TAF4: variants seen among roughly 807,000 people sequenced by gnomAD.
The protein encoded by TAF4 is transcription initiation factor TFIID subunit 4.
Under a neutral mutation model 90.3 loss-of-function variants are expected in TAF4, and 9 were observed. The ratio of observed to expected loss-of-function variants is 0.10; its 90% confidence interval spans 0.06 to 0.17. The LOEUF (loss-of-function observed/expected upper bound fraction) is 0.17, where lower values mean the gene tolerates loss of function less well. Among genes scored for constraint, TAF4 ranks in the 10% least tolerant of loss-of-function variants. The probability of loss-of-function intolerance (pLI) is 1.00; values close to 1 mark genes in which losing one functional copy is unlikely to be tolerated. For missense variants in TAF4, 1,351 were observed against 1,370.7 expected (o/e 0.99, Z 0.23); for synonymous variants, 818 against 638.9 (o/e 1.28, Z -4.23).
chr20:62,017,733 A>T, intron 1 of TAF4, among the ~76,000 whole-genome samples: 1 of 152,126 alleles, frequency 6.6e-6, no homozygotes, highest in East Asian at 1.9e-4. Flanking sequence ...GCTACTTCAG[A>T]AGCTGAAGCA....
chr20:62,057,410 T>C (rs1023629993), intron 1 of TAF4, among the ~76,000 whole-genome samples: 3 of 152,216 alleles, frequency 2.0e-5, no homozygotes, highest in Non-Finnish European at 2.9e-5. Context: ...TAAAACCTAA[T>C]GTCAAATTTG....
chr20:62,064,263 C>T (rs1041587785), intron 1 of TAF4, 188 bp downstream of exon 1: 4 of 560,032 alleles, frequency 7.1e-6, no homozygotes, highest in Non-Finnish European at 1.1e-5. Flanking sequence ...TGCCGACTCC[C>T]TCTGGCTCAC....
intron 1 of TAF4, among the ~76,000 whole-genome samples, chr20:62,062,349 T>C (rs1412539539): frequency 6.6e-6 from 1 of 152,226 alleles, no homozygotes; most frequent in African/African-American, 2.4e-5. Context: ...AATTAAGTTG[T>C]ACTGTTCAAA....
intron 1 of TAF4, among the ~76,000 whole-genome samples, chr20:62,054,742 G>A (rs149791019): frequency 0.017 from 2,622 of 152,128 alleles, 28 homozygotes; most frequent in Non-Finnish European, 0.025. Flanking sequence ...TGGAGGTGCC[G>A]GCACCTGCAG....
intron 5 of TAF4, among the ~76,000 whole-genome samples, chr20:62,008,625 T>C (rs7508965): frequency 6.6e-6 from 1 of 152,100 alleles, no homozygotes; most frequent in African/African-American, 2.4e-5. Flanking sequence ...AGGGGGCTTC[T>C]GGTGGCTCAG....
intron 14 of TAF4, chr20:61,979,348 T>A (rs1456759741): frequency 6.5e-6 from 1 of 152,706 alleles, no homozygotes; most frequent in African/African-American, 2.4e-5. Flanking sequence ...TCCATGGGAC[T>A]CCTGAGAAAG....
rs527997371 is a variant in TAF4, at chr20:62,018,549, G to A, written c.1361-3842C>T. Among the ~76,000 whole-genome samples, 12 of 151,950 alleles carry A rather than the reference G, an allele frequency of 7.9e-5. 1 individual carries two copies. In the South Asian group the frequency reaches 1.9e-3, roughly 24 times the overall value. On this transcript the variant is annotated intron_variant, in intron 1 of 14. Coordinates refer to ENST00000252996, the MANE Select transcript of TAF4 (RefSeq NM_003185.4). The stretch of plus-strand genomic sequence containing the variant: ...TCTCTGCACTTGCAGCAGGGTACAC[G>A]TGGCAGGTGTGGCCCCCACCCCGCC...
At chr20:62,042,316 G>A (rs758221340) in intron 1 of TAF4, among the ~76,000 whole-genome samples, 75 of 152,152 alleles carry the variant, frequency 4.9e-4, no homozygotes, top group Non-Finnish European at 6.5e-4. Flanking sequence ...CCATCCCCTT[G>A]CCAGCTCATC....
chr20:62,004,142 G>T (rs1307332974), intron 7 of TAF4, among the ~76,000 whole-genome samples: 1 of 152,146 alleles, frequency 6.6e-6, no homozygotes, highest in East Asian at 1.9e-4. Context: ...CTGCTGCCTA[G>T]AAGCTGCCCC....
At chr20:61,977,510 C>A (rs115485772) in intron 14 of TAF4, among the ~76,000 whole-genome samples, 1 of 152,118 alleles carries the variant, frequency 6.6e-6, no homozygotes, top group Non-Finnish European at 1.5e-5. Flanking sequence ...CGTCCTTCCT[C>A]CCCCCTTCCC....
intron 14 of TAF4, among the ~76,000 whole-genome samples, chr20:61,995,062 A>G (rs1200242785): frequency 6.6e-6 from 1 of 152,194 alleles, no homozygotes; most frequent in Non-Finnish European, 1.5e-5. Flanking sequence ...CAAAATGAAA[A>G]ACAAAACCAC....
chr20:62,063,558 G>C (rs1450936386), intron 1 of TAF4, among the ~76,000 whole-genome samples: 1 of 152,150 alleles, frequency 6.6e-6, no homozygotes, highest in Non-Finnish European at 1.5e-5. Context: ...AGACAGGAGC[G>C]TGAGAACTGC....
chr20:62,047,214 C>T (rs2055998470), intron 1 of TAF4, among the ~76,000 whole-genome samples: 1 of 152,180 alleles, frequency 6.6e-6, no homozygotes, highest in Non-Finnish European at 1.5e-5. Context: ...TTCAGTGTCA[C>T]TATGAGCGGG....
intron 1 of TAF4, among the ~76,000 whole-genome samples, chr20:62,024,055 G>A (rs767554557): frequency 1.3e-5 from 2 of 152,154 alleles, no homozygotes; most frequent in Non-Finnish European, 2.9e-5. Flanking sequence ...TCCAACCTGG[G>A]TGACACAGTG....
rs145408584 is a variant in TAF4 at position 62,027,483 on chromosome 20, G to A, written c.1361-12776C>T. Among the ~76,000 whole-genome samples the A allele has an allele frequency of 1.1e-4, 17 of 152,228 alleles. 1 individual carries two copies. Among genetic ancestry groups the A allele is most frequent in the East Asian group, 3.9e-4 (2 of 5,188 alleles). ...TGGGCTCAGGGATTAAATCTCTTAA[G>A]TTCACACAAATGAACAGATTGGAGA... On this transcript the variant is annotated intron_variant, in intron 1 of 14. Coordinates refer to ENST00000252996, the MANE Select transcript of TAF4 (RefSeq NM_003185.4).
chr20:62,036,294 G>A (rs1178321048), intron 1 of TAF4, among the ~76,000 whole-genome samples: 1 of 152,212 alleles, frequency 6.6e-6, no homozygotes, highest in Admixed American at 6.5e-5. Flanking sequence ...CGAAGTGCTG[G>A]GATGACAGGC....
intron 1 of TAF4, among the ~76,000 whole-genome samples, chr20:62,045,453 G>C (rs989304713): frequency 1.3e-5 from 2 of 152,214 alleles, no homozygotes; most frequent in African/African-American, 4.8e-5. Flanking sequence ...CCCTGCACGT[G>C]CAAGCACTCC....
rs776495255 is a variant in TAF4 at position 62,065,274 on chromosome 20, G to A, written c.537C>T (p.Gly179=). 1.8e-5 allele frequency: 17 copies of A among 928,570 alleles called. No homozygotes were observed. The South Asian group carries it at 6.2e-4, about 34-fold the overall frequency. 57.5% of individuals were successfully genotyped at this position (928,570 alleles called of 1,614,324 possible). A position where few individuals can be genotyped will look rare whatever the true frequency, so the allele number is the denominator to read the frequency against. The change falls in exon 1 of 15, where the codon GGC becomes GGT. Residue 179 remains glycine, a synonymous_variant. Coordinates refer to ENST00000252996, the MANE Select transcript of TAF4 (RefSeq NM_003185.4). The part of the protein sequence containing the change: ...RAGPGPGPGP[G]PGPGPGPGKP... ...TGCCAGGGCCAGGGCCGGGGCCGGG[G>A]CCGGGGCCGGGCCCGGGGCCGGGGC...
chr20:62,025,113 C>T (rs557636566), intron 1 of TAF4, among the ~76,000 whole-genome samples: 3 of 152,194 alleles, frequency 2.0e-5, no homozygotes, highest in Non-Finnish European at 2.9e-5. Flanking sequence ...GACAACAGCC[C>T]TGCAGTTTTG....
Sources: allele counts gnomAD v4.1 joint callset (sites outside exome capture counted in the v4.1 genomes callset), GRCh38; gene constraint gnomAD v4.1.1; transcripts MANE v1.5; gene names NCBI Gene and HGNC (gene_info 2026-07-23, HGNC 2026-07-21).